The following N4BP2 variants were observed in gnomAD, a reference collection of about 807,000 sequenced individuals.
N4BP2 encodes NEDD4-binding protein 2.
In N4BP2, 91 loss-of-function variants were observed where a neutral mutation model predicts 152.8. That is an observed-to-expected ratio of 0.60 (90% CI 0.50 to 0.71). The LOEUF (loss-of-function observed/expected upper bound fraction) is 0.71. Ranked by LOEUF, N4BP2 falls within the 30% of genes least tolerant of loss-of-function variation. The pLI, the probability that N4BP2 is intolerant of heterozygous loss-of-function variation, is 0.00. For missense variants in N4BP2, 1,923 were observed against 2,059.1 expected, an observed-to-expected ratio of 0.93 and a Z score of 1.28; for synonymous variants, 646 against 705.3, an observed-to-expected ratio of 0.92 and a Z score of 1.33.
chr4:40,091,357 G>A (rs558088989), intron 2 of N4BP2, among the ~76,000 whole-genome samples: 6 of 152,150 alleles, frequency 3.9e-5, no homozygotes, highest in African/African-American at 1.2e-4. Flanking sequence ...GGAGGAAAGC[G>A]TTTAGTATTT....
In N4BP2 at chr4:40,152,762, T is replaced by C. The variant is rs1721256619; in HGVS notation, c.5144-18T>C. On this transcript the variant is annotated intron_variant, in intron 16 of 17. Coordinates refer to ENST00000261435, the MANE Select transcript of N4BP2 (RefSeq NM_018177.6). ...TAAGATAAATGAATTTTAACTCCCC[T>C]GATTTCTGTTGTAACAGAATTTAAG... is the stretch of plus-strand genomic sequence containing the variant. The C allele has an allele frequency of 1.2e-6, 2 of 1,613,358 alleles. No individual in the cohort carries two copies. The highest frequency in any genetic ancestry group is 1.7e-6 in the Non-Finnish European group (2 of 1,179,564).
rs201270289 is a variant in N4BP2 at position 40,119,975 on chromosome 4, A to G, written c.1864A>G (p.Ile622Val). 73 of 1,518,002 alleles carry G rather than the reference A, an allele frequency of 4.8e-5. No homozygotes were observed. The highest frequency in any genetic ancestry group is 6.1e-5 in the Non-Finnish European group (68 of 1,117,254). 94.0% of individuals were successfully genotyped at this position (1,518,002 alleles called of 1,614,324 possible). Residue 622 changes from isoleucine (I) to valine (V), a missense_variant, in exon 9 of 18, where the codon ATT (isoleucine) becomes GTT (valine). Ile to Val is a conservative substitution (Grantham distance 29). Transcript: ENST00000261435. ...EDIISEKEENILSLSLKHLEF... is the reference protein window; with the variant it reads ...EDIISEKEENVLSLSLKHLEF... The stretch of plus-strand genomic sequence containing the variant: ...TATTATCTCTGAAAAAGAAGAAAAT[A>G]TTTTATCTTTATCTTTGAAGCATCT...
intron 16 of N4BP2, among the ~76,000 whole-genome samples, chr4:40,146,639 C>T (rs1720545538): frequency 6.6e-6 from 1 of 152,200 alleles, no homozygotes. Context: ...TTAGCACATA[C>T]ATCACCTATT....
At chr4:40,092,835 G>C (rs111869045) in intron 2 of N4BP2, among the ~76,000 whole-genome samples, 259 of 151,764 alleles carry the variant, frequency 1.7e-3, no homozygotes, top group African/African-American at 5.9e-3. Context: ...GTAGAGACGG[G>C]GTTTCACCGT....
chr4:40,182,801 C>T, the N4BP2 span, among the ~76,000 whole-genome samples: 1 of 152,020 alleles, frequency 6.6e-6, no homozygotes, highest in African/African-American at 2.4e-5. Context: ...CTCAGCCTCC[C>T]AAGTAGCTGG....
chr4:40,072,322 T>G (rs971733514), intron 1 of N4BP2, among the ~76,000 whole-genome samples: 5 of 150,044 alleles, frequency 3.3e-5, no homozygotes, highest in South Asian at 2.1e-4. Context: ...CTTGGCTCAC[T>G]GCAACCTTCG....
At position 40,156,323 on chromosome 4, in the gene N4BP2, A is replaced by G. The variant is rs778500923; in HGVS notation, c.*2086A>G. On this transcript the variant is annotated 3_prime_UTR_variant, in exon 18 of 18. Coordinates refer to ENST00000261435, the MANE Select transcript of N4BP2 (RefSeq NM_018177.6). ...GAGCAGTCAGAAGTAGAGGTGTGGTATTCCGTGGGCAGAAGTCAAATGAAA... is the reference window on the plus strand; with the variant it reads ...GAGCAGTCAGAAGTAGAGGTGTGGTGTTCCGTGGGCAGAAGTCAAATGAAA... 8.5e-5 allele frequency: 13 copies of G among 152,160 alleles called. No homozygotes were observed. The highest frequency in any genetic ancestry group is 1.6e-4 in the Non-Finnish European group (11 of 68,004). 9.4% of individuals were successfully genotyped at this position (152,160 alleles called of 1,614,324 possible). A position where few individuals can be genotyped will look rare whatever the true frequency, so the allele number is the denominator to read the frequency against.
intron 16 of N4BP2, among the ~76,000 whole-genome samples, chr4:40,150,883 A>T (rs1721094065): frequency 6.6e-6 from 1 of 152,226 alleles, no homozygotes; most frequent in Non-Finnish European, 1.5e-5. Flanking sequence ...AACTAATGAT[A>T]TTAAGGGACT....
In N4BP2 at chr4:40,156,631, T is replaced by A. The variant is rs947239048; in HGVS notation, c.*2394T>A. ...CGCAGTAAAGATAGTTTGGGGATTT[T>A]AAAAGTTTTCTCTATTACCCATTTC... is the stretch of plus-strand genomic sequence containing the variant. On this transcript the variant is annotated 3_prime_UTR_variant, in exon 18 of 18. Transcript: ENST00000261435. 2 of 152,144 alleles carry A rather than the reference T, an allele frequency of 1.3e-5. No homozygotes were observed. The highest frequency in any genetic ancestry group is 3.8e-4 in the East Asian group (2 of 5,202). The allele number at this position is 152,144 out of a possible 1,614,324, so 9.4% of individuals were successfully genotyped here.
At chr4:40,088,144 A>G (rs1004894799) in intron 2 of N4BP2, among the ~76,000 whole-genome samples, 2 of 152,164 alleles carry the variant, frequency 1.3e-5, no homozygotes, top group Non-Finnish European at 2.9e-5. Context: ...GCTGACTAGT[A>G]TTTCATGGAA....
At chr4:40,073,393 A>G (rs1712406634) in intron 1 of N4BP2, 62 bp from the exon 2 acceptor site, 2 of 151,856 alleles carry the variant, frequency 1.3e-5, no homozygotes, top group South Asian at 4.1e-4. Context: ...TTTGACTTTG[A>G]TTTCTTTTGT....
At chr4:40,145,425 TG>T (rs1270912282) in intron 16 of N4BP2, among the ~76,000 whole-genome samples, 1 of 152,194 alleles carries the variant, frequency 6.6e-6, no homozygotes, top group Non-Finnish European at 1.5e-5. Context: ...GGTTTTACCA[TG>T]TTGGCCAGGC....
chr4:40,163,003 T>C (rs148913952), downstream of N4BP2, among the ~76,000 whole-genome samples: 300 of 152,336 alleles, frequency 2.0e-3, no homozygotes, highest in African/African-American at 6.8e-3. Context: ...GGCTGGTTTC[T>C]CCAGAACAGG....
At chr4:40,070,389 A>G (rs1016082313) in intron 1 of N4BP2, among the ~76,000 whole-genome samples, 1 of 152,206 alleles carries the variant, frequency 6.6e-6, no homozygotes, top group Non-Finnish European at 1.5e-5. Flanking sequence ...TTCTCCCTAT[A>G]TAGCCATAAA....
At chr4:40,076,531 C>T (rs1223046193) in intron 2 of N4BP2, among the ~76,000 whole-genome samples, 1 of 152,100 alleles carries the variant, frequency 6.6e-6, no homozygotes, top group African/African-American at 2.4e-5. Context: ...GCTCTGTCAC[C>T]CAGGCTGGGC....
chr4:40,111,764 C>T (rs1429857272), intron 5 of N4BP2, among the ~76,000 whole-genome samples: 2 of 152,176 alleles, frequency 1.3e-5, no homozygotes, highest in South Asian at 2.1e-4. Flanking sequence ...TACAGGTGGG[C>T]ACCACCACAC....
chr4:40,096,455 A>G (rs1016061909), intron 2 of N4BP2, among the ~76,000 whole-genome samples: 2 of 152,150 alleles, frequency 1.3e-5, no homozygotes, highest in African/African-American at 4.8e-5. Context: ...GGCTAAGGGA[A>G]AGGACAGTAC....
chr4:40,162,496 A>G (rs542018027), downstream of N4BP2, among the ~76,000 whole-genome samples: 1 of 152,246 alleles, frequency 6.6e-6, no homozygotes, highest in African/African-American at 2.4e-5. Context: ...GATGAGTATC[A>G]AATGCTCATA....
the N4BP2 span, among the ~76,000 whole-genome samples, chr4:40,175,009 C>G: frequency 1.3e-5 from 2 of 151,902 alleles, no homozygotes; most frequent in African/African-American, 4.8e-5. Context: ...GTCTCACTTG[C>G]ATGTAAAATT....
Sources: allele counts gnomAD v4.1 joint callset (sites outside exome capture counted in the v4.1 genomes callset), GRCh38; gene constraint gnomAD v4.1.1; transcripts MANE v1.5; gene names NCBI Gene and HGNC (gene_info 2026-07-23, HGNC 2026-07-21).